NHSL2: variants seen among roughly 807,000 people sequenced by gnomAD.
NHSL2 encodes the protein NHS-like protein 2.
In NHSL2, 27 loss-of-function variants were observed where a neutral mutation model predicts 53.4. The observed-to-expected ratio is 0.51, with a 90% CI of 0.37 to 0.70. The LOEUF (loss-of-function observed/expected upper bound fraction) is 0.70, where lower values mean the gene tolerates loss of function less well. NHSL2 is among the 30% of genes least tolerant of loss of function. The pLI, the probability that NHSL2 is intolerant of heterozygous loss-of-function variation, is 0.00. For synonymous variants in NHSL2, 408 were observed against 404.1 expected (o/e 1.01, Z -0.12); for missense variants, 892 against 980.1 (o/e 0.91, Z 1.20).
chrX:72,017,327 A>G (rs1356496486), intron 1 of NHSL2, among the ~76,000 whole-genome samples: 1 of 112,536 alleles, frequency 8.9e-6, no homozygotes, highest in Non-Finnish European at 1.9e-5. Context: ...CAATACAGCC[A>G]TGCTACCTGC....
rs753634825 is a variant in NHSL2 at position 72,058,639 on chromosome X, G to C, written c.281-73440G>C. ...ATTATAGGCGTGAGCCACCGTGCCCGGCCAGCTTCCCAGTTCTTAAAGGCT... is the reference window on the plus strand; with the variant it reads ...ATTATAGGCGTGAGCCACCGTGCCCCGCCAGCTTCCCAGTTCTTAAAGGCT... On this transcript the variant is annotated intron_variant, in intron 1 of 7. Coordinates refer to ENST00000633930, the MANE Select transcript of NHSL2 (RefSeq NM_001013627.3). Among the ~76,000 whole-genome samples, 3 of 111,416 alleles carry C rather than the reference G, an allele frequency of 2.7e-5. No homozygotes were observed. In the South Asian group the frequency reaches 1.1e-3, roughly 42 times the overall value.
chrX:71,963,236 C>G (rs1055587881), intron 1 of NHSL2, among the ~76,000 whole-genome samples: 2 of 109,772 alleles, frequency 1.8e-5, no homozygotes, highest in Admixed American at 2.0e-4. Flanking sequence ...TATGGTAAGC[C>G]CTAGAGCAAC....
intron 1 of NHSL2, among the ~76,000 whole-genome samples, chrX:72,090,212 C>T (rs1479372659): frequency 2.7e-5 from 3 of 110,462 alleles, no homozygotes; most frequent in Non-Finnish European, 3.8e-5. Context: ...CACAGGCACA[C>T]GCCACCTCAC....
chrX:72,123,703 C>T (rs888647347), intron 1 of NHSL2, among the ~76,000 whole-genome samples: 4 of 112,199 alleles, frequency 3.6e-5, no homozygotes, highest in Non-Finnish European at 7.5e-5. Flanking sequence ...TTCCCCAGGC[C>T]GTGGGACCTT....
At chrX:72,130,364 T>C (rs754364559) in intron 1 of NHSL2, 1 of 1,161,665 alleles carries the variant, frequency 8.6e-7, no homozygotes, top group Non-Finnish European at 1.2e-6. Context: ...TCCTCCTCCT[T>C]CTCTTCCTTC....
At chrX:71,986,088 C>T (rs765717659) in intron 1 of NHSL2, among the ~76,000 whole-genome samples, 3 of 111,600 alleles carry the variant, frequency 2.7e-5, no homozygotes, top group Non-Finnish European at 5.6e-5. Flanking sequence ...ATTTTGAACA[C>T]ATACCAATAA....
chrX:72,083,794 CA>C (rs917939286), intron 1 of NHSL2, among the ~76,000 whole-genome samples: 7 of 111,789 alleles, frequency 6.3e-5, no homozygotes, highest in African/African-American at 2.3e-4. Context: ...CCCTAATGGC[CA>C]AAACTTGGGG....
intron 1 of NHSL2, among the ~76,000 whole-genome samples, chrX:71,937,055 G>A (rs2041742296): frequency 8.9e-6 from 1 of 112,064 alleles, no homozygotes; most frequent in Non-Finnish European, 1.9e-5. Context: ...AGTAAATTGT[G>A]TTGCTAGGAT....
intron 1 of NHSL2, among the ~76,000 whole-genome samples, chrX:72,014,542 A>G (rs2042128304): frequency 8.9e-6 from 1 of 111,873 alleles, no homozygotes; most frequent in African/African-American, 3.2e-5. Context: ...TTAAATTTTC[A>G]TATTTGACCC....
chrX:71,973,702 C>G (rs986318846), intron 1 of NHSL2, among the ~76,000 whole-genome samples: 1 of 111,643 alleles, frequency 9.0e-6, no homozygotes, highest in Non-Finnish European at 1.9e-5. Context: ...TATTAGCCAG[C>G]TGTGGTAGGA....
chrX:72,023,462 C>A (rs1302513139), intron 1 of NHSL2, among the ~76,000 whole-genome samples: 1 of 112,650 alleles, frequency 8.9e-6, no homozygotes. Context: ...AACAATATTT[C>A]CAGTTGTTAC....
At chrX:72,026,918 C>T (rs899227503) in intron 1 of NHSL2, among the ~76,000 whole-genome samples, 2 of 112,383 alleles carry the variant, frequency 1.8e-5, no homozygotes, top group Non-Finnish European at 3.8e-5. Flanking sequence ...CACCAGTTCC[C>T]CAAGTGTGCT....
At chrX:72,104,766 A>G (rs755832206) in intron 1 of NHSL2, among the ~76,000 whole-genome samples, 1 of 111,404 alleles carries the variant, frequency 9.0e-6, no homozygotes, top group Non-Finnish European at 1.9e-5. Context: ...AAGTGGGCAG[A>G]CTGGGAGAGT....
chrX:71,930,026 A>T (rs745900699), intron 1 of NHSL2, among the ~76,000 whole-genome samples: 19 of 111,951 alleles, frequency 1.7e-4, no homozygotes, highest in Non-Finnish European at 9.4e-5. Context: ...AAGTGCTGGG[A>T]TTATAGGCAT....
intron 1 of NHSL2, among the ~76,000 whole-genome samples, chrX:72,003,760 T>C (rs963803953): frequency 4.5e-5 from 5 of 111,736 alleles, no homozygotes; most frequent in Non-Finnish European, 7.5e-5. Flanking sequence ...ATTGCGGGCC[T>C]GACAGACCCT....
intron 1 of NHSL2, among the ~76,000 whole-genome samples, chrX:72,124,269 G>T (rs989059233): frequency 2.7e-5 from 3 of 110,830 alleles, no homozygotes; most frequent in Non-Finnish European, 3.8e-5. Flanking sequence ...CTGGTTTCTC[G>T]GGGGCAGAAT....
chrX:71,982,656 A>T (rs953845039), intron 1 of NHSL2, among the ~76,000 whole-genome samples: 1 of 112,083 alleles, frequency 8.9e-6, no homozygotes, highest in Non-Finnish European at 1.9e-5. Context: ...ACAAAAACTC[A>T]AAAGAACAGG....
chrX:72,130,329 T>C, intron 1 of NHSL2: 1 of 1,174,523 alleles, frequency 8.5e-7, no homozygotes, highest in Non-Finnish European at 1.2e-6. Flanking sequence ...CCTCCTCCTC[T>C]TTCTGTTTCA....
chrX:72,095,286 G>A (rs1446483657), intron 1 of NHSL2, among the ~76,000 whole-genome samples: 1 of 112,241 alleles, frequency 8.9e-6, no homozygotes, highest in East Asian at 2.8e-4. Flanking sequence ...AAGAATTTGG[G>A]GTGAGGCCCA....
Sources: allele counts gnomAD v4.1 joint callset (sites outside exome capture counted in the v4.1 genomes callset), GRCh38; gene constraint gnomAD v4.1.1; transcripts MANE v1.5; gene names NCBI Gene and HGNC (gene_info 2026-07-23, HGNC 2026-07-21).